The following ZRSR2 variants were observed in gnomAD, a reference collection of about 807,000 sequenced individuals.
ZRSR2 encodes U2 small nuclear ribonucleoprotein auxiliary factor 35 kDa subunit-related protein 2.
ZRSR2 carries 3 observed loss-of-function variants against 39.4 expected under a neutral mutation model. That is an observed-to-expected ratio of 0.08 (90% CI 0.03 to 0.20). The LOEUF (loss-of-function observed/expected upper bound fraction) is 0.20, where lower values mean the gene tolerates loss of function less well. ZRSR2 is among the 10% of genes least tolerant of loss of function. The probability of loss-of-function intolerance (pLI) is 1.00; values close to 1 mark genes in which losing one functional copy is unlikely to be tolerated. For synonymous variants in ZRSR2, 137 were observed against 136.0 expected (o/e 1.01, Z -0.05); for missense variants, 256 against 391.5 (o/e 0.65, Z 2.92).
intron 1 of ZRSR2, 100 bp from the exon 2 acceptor site, chrX:15,790,834 C>T: frequency 4.8e-6 from 4 of 837,332 alleles, no homozygotes; most frequent in Non-Finnish European, 7.1e-6. Context: ...CTCTCCTCAG[C>T]ACCCGAACTA....
intron 8 of ZRSR2, among the ~76,000 whole-genome samples, chrX:15,816,310 CTAAG>C (rs1455964606): frequency 8.9e-6 from 1 of 111,860 alleles, no homozygotes; most frequent in African/African-American, 3.3e-5. Flanking sequence ...ACTTCACTCA[CTAAG>C]TTTGTTGGTG....
At chrX:15,796,824 C>T (rs1180286900) in intron 2 of ZRSR2, among the ~76,000 whole-genome samples, 4 of 76,337 alleles carry the variant, frequency 5.2e-5, no homozygotes, top group Admixed American at 2.0e-4. Context: ...GACAGAGTCT[C>T]GCTCTGTCGC....
At chrX:15,801,612 A>G (rs769846740) in intron 3 of ZRSR2, 84 of 139,086 alleles carry the variant, frequency 6.0e-4, no homozygotes, top group Middle Eastern at 4.8e-3. Context: ...ACCTCACAGA[A>G]TTGTGAAGAT....
chrX:15,793,459 C>T (rs1057037959), intron 2 of ZRSR2, among the ~76,000 whole-genome samples: 2 of 111,785 alleles, frequency 1.8e-5, no homozygotes, highest in Non-Finnish European at 3.8e-5. Flanking sequence ...TGTCTCTGCA[C>T]TTCTGCTCCT....
Position 15,799,923 on chromosome X carries a change from TAGA to T in ZRSR2, c.180_182del (p.Glu61del), listed in dbSNP as rs781227781. The T allele has an allele frequency of 1.7e-6, 2 of 1,203,115 alleles. No homozygotes were observed. The highest frequency in any genetic ancestry group is 1.1e-6 in the Non-Finnish European group (1 of 889,182). On this transcript the variant is annotated inframe_deletion, in exon 3 of 11. Transcript: ENST00000307771. ...GACACTTTTATTGAAGAACAACAAC[TAGA>T]AGAAGAGAAGCTATTGGAAAGAGAG...
chrX:15,799,430 G>A (rs902771381), intron 2 of ZRSR2, among the ~76,000 whole-genome samples: 1 of 105,826 alleles, frequency 9.4e-6, no homozygotes, highest in African/African-American at 3.5e-5. Flanking sequence ...GAAGATGGAT[G>A]TTCCCTTCCA....
intron 2 of ZRSR2, among the ~76,000 whole-genome samples, chrX:15,791,653 C>CTTTTTTTTTT (rs144343422): frequency 6.6e-4 from 40 of 60,859 alleles, no homozygotes; most frequent in Non-Finnish European, 1.1e-3. Flanking sequence ...CTTTTCTTTT[C>CTTTTTTTTTT]TTTTTTTTTT....
chrX:15,820,696 C>T (rs778488816), intron 10 of ZRSR2, among the ~76,000 whole-genome samples: 1 of 112,225 alleles, frequency 8.9e-6, no homozygotes, highest in Non-Finnish European at 1.9e-5. Context: ...TTCACTTGAG[C>T]TGTTTGTTTG....
chrX:15,802,764 A>G (rs1170766496), intron 3 of ZRSR2, among the ~76,000 whole-genome samples: 1 of 111,207 alleles, frequency 9.0e-6, no homozygotes, highest in East Asian at 2.8e-4. Context: ...GGCCCTCACT[A>G]ATTTATTTTT....
intron 7 of ZRSR2, among the ~76,000 whole-genome samples, chrX:15,815,467 G>A (rs745523863): frequency 7.2e-5 from 8 of 111,776 alleles, no homozygotes; most frequent in Admixed American, 2.8e-4. Context: ...CAACACGCCC[G>A]GCTAATTTTT....
At chrX:15,790,581 G>A in intron 1 of ZRSR2, 45 bp downstream of exon 1, 1 of 1,149,891 alleles carries the variant, frequency 8.7e-7, no homozygotes, top group Non-Finnish European at 1.2e-6. Flanking sequence ...GGCCGATCGT[G>A]GGCATGGAGG....
At chrX:15,794,074 T>C (rs1475051294) in intron 2 of ZRSR2, among the ~76,000 whole-genome samples, 1 of 112,339 alleles carries the variant, frequency 8.9e-6, no homozygotes, top group Non-Finnish European at 1.9e-5. Flanking sequence ...GTTGCAAAAC[T>C]ATAGCATGAT....
chrX:15,797,575 C>T (rs1347399484), intron 2 of ZRSR2, among the ~76,000 whole-genome samples: 1 of 111,413 alleles, frequency 9.0e-6, no homozygotes, highest in Non-Finnish European at 1.9e-5. Context: ...CTAGTATGTA[C>T]ATATATTTTA....
intron 10 of ZRSR2, among the ~76,000 whole-genome samples, chrX:15,821,472 A>G (rs1238180282): frequency 9.1e-6 from 1 of 110,299 alleles, no homozygotes; most frequent in Admixed American, 9.7e-5. Context: ...TTGTCTTTTT[A>G]TTATTGAGTT....
intron 7 of ZRSR2, among the ~76,000 whole-genome samples, chrX:15,813,230 C>T (rs1178080801): frequency 8.9e-6 from 1 of 112,077 alleles, no homozygotes; most frequent in Non-Finnish European, 1.9e-5. Flanking sequence ...TGGGTTTTTG[C>T]AGCAAACTGA....
chrX:15,803,600 C>T lies in ZRSR2; in HGVS notation c.204-88C>T, dbSNP rs967830624. The T allele has an allele frequency of 6.3e-5, 67 of 1,070,335 alleles. 1 individual carries two copies. Among genetic ancestry groups the T allele is most frequent in the East Asian group, 3.4e-5 (1 of 29,426 alleles). 88.2% of individuals were successfully genotyped at this position (1,070,335 alleles called of 1,213,427 possible). ...AGCTTTCGTGATATTTGAATCAGTCCCAAAATGTGTCATTTTGCTCTCGTG... is the reference window on the plus strand; with the variant it reads ...AGCTTTCGTGATATTTGAATCAGTCTCAAAATGTGTCATTTTGCTCTCGTG... On this transcript the variant is annotated intron_variant, in intron 3 of 10. Coordinates refer to ENST00000307771, the MANE Select transcript of ZRSR2 (RefSeq NM_005089.4).
intron 5 of ZRSR2, among the ~76,000 whole-genome samples, chrX:15,807,049 C>T (rs1033727561): frequency 7.2e-5 from 8 of 111,698 alleles, no homozygotes; most frequent in South Asian, 3.7e-4. Flanking sequence ...ACTAGACATA[C>T]GAGTCTTATG....
rs142064485 is a variant in ZRSR2 at position 15,820,309 on chromosome X, G to T, written c.930G>T (p.Ala310=). ...GCCCCGTGACCCGGTGGAAAATGGC[G>T]ATTTGTGGTAAAAGACAAAGTGATG... ...EFCPVTRWKM[A]ICGLFEIQQC... The change falls in exon 10 of 11, where the codon GCG becomes GCT. Residue 310 remains alanine, a synonymous_variant. Transcript: ENST00000307771. 1 of 1,206,783 alleles carries T rather than the reference G, an allele frequency of 8.3e-7. No homozygotes were observed. Among genetic ancestry groups the T allele is most frequent in the Non-Finnish European group, 1.1e-6 (1 of 891,060 alleles).
At chrX:15,816,074 C>T (rs921428686) in intron 8 of ZRSR2, among the ~76,000 whole-genome samples, 184 bp downstream of exon 8, 1 of 112,042 alleles carries the variant, frequency 8.9e-6, no homozygotes, top group African/African-American at 3.2e-5. Flanking sequence ...CACATGAAAT[C>T]ATAAACATAT....
Sources: gnomAD v4.1 joint callset for allele counts (sites outside exome capture counted in the v4.1 genomes callset) on GRCh38, gnomAD v4.1.1 for gene constraint, MANE v1.5 for transcripts, NCBI Gene and HGNC (gene_info 2026-07-23, HGNC 2026-07-21) for gene names.